The following BUD31 variants were observed in gnomAD, a reference collection of about 807,000 sequenced individuals.
The protein encoded by BUD31 is protein BUD31 homolog.
BUD31 carries 9 observed loss-of-function variants against 17.9 expected under a neutral mutation model. That is an observed-to-expected ratio of 0.50 (90% CI 0.30 to 0.88). BUD31 has a LOEUF of 0.88. Among genes scored for constraint, BUD31 ranks in the 40% least tolerant of loss-of-function variants. The pLI is 0.06. For synonymous variants in BUD31, 70 were observed against 64.7 expected, an observed-to-expected ratio of 1.08 and a Z score of -0.39; for missense variants, 148 against 184.5, an observed-to-expected ratio of 0.80 and a Z score of 1.15.
intron 5 of BUD31, 104 bp from the exon 6 acceptor site, chr7:99,419,287 T>C: frequency 1.4e-6 from 2 of 1,391,744 alleles, no homozygotes; most frequent in Non-Finnish European, 2.0e-6. Context: ...TGTGTCCCTA[T>C]ATGGCATGGT....
Position 99,419,573 on chromosome 7 carries a change from C to T in BUD31, c.*132C>T. ...GTCTCTATGGGGAAGGCTTCGCTGT[C>T]TATCAGCTGTGATTTGTAAAAATAA... On this transcript the variant is annotated 3_prime_UTR_variant, in exon 6 of 6. Coordinates refer to ENST00000222969, the MANE Select transcript of BUD31 (RefSeq NM_003910.4). 1 of 1,002,010 alleles carries T rather than the reference C, an allele frequency of 1.0e-6. No individual in the cohort carries two copies. Among genetic ancestry groups the T allele is most frequent in the Non-Finnish European group, 1.5e-6 (1 of 662,740 alleles). 62.1% of individuals were successfully genotyped at this position (1,002,010 alleles called of 1,614,324 possible).
chr7:99,415,513 G>A (rs1228425209), intron 3 of BUD31, among the ~76,000 whole-genome samples: 2 of 152,100 alleles, frequency 1.3e-5, no homozygotes, highest in Non-Finnish European at 2.9e-5. Flanking sequence ...GGATAACTGC[G>A]GGCGGGCCTG....
intron 3 of BUD31, chr7:99,411,745 TCC>T (rs1795195162): frequency 6.6e-6 from 3 of 455,194 alleles, no homozygotes; most frequent in African/African-American, 2.0e-5. Context: ...TGCTCTGTCT[TCC>T]AGGCTGCAGT....
At chr7:99,412,251 G>A (rs1020490196) in intron 3 of BUD31, among the ~76,000 whole-genome samples, 3 of 152,160 alleles carry the variant, frequency 2.0e-5, no homozygotes, top group East Asian at 1.9e-4. Context: ...ATGTCTTCCC[G>A]AAACAGCTCT....
At chr7:99,417,978 G>GT in intron 5 of BUD31, 1 of 1,178,446 alleles carries the variant, frequency 8.5e-7, no homozygotes, top group Non-Finnish European at 1.1e-6. Flanking sequence ...TATCTTTCCC[G>GT]CCCCCCCAAG....
intron 4 of BUD31, chr7:99,417,148 C>T: frequency 2.8e-6 from 1 of 354,736 alleles, no homozygotes; most frequent in Non-Finnish European, 5.3e-6. Context: ...CCTCCGCCTC[C>T]TGGGTTCAAG....
At chr7:99,419,290 G>A in intron 5 of BUD31, 101 bp from the exon 6 acceptor site, 1 of 1,410,132 alleles carries the variant, frequency 7.1e-7, no homozygotes, top group Non-Finnish European at 9.9e-7. Context: ...GTCCCTATAT[G>A]GCATGGTGGC....
chr7:99,412,911 G>A (rs927165715), intron 3 of BUD31, among the ~76,000 whole-genome samples: 38 of 151,892 alleles, frequency 2.5e-4, no homozygotes, highest in African/African-American at 8.2e-4. Context: ...ATGAGCCACC[G>A]CGCCCGACCA....
intron 5 of BUD31, chr7:99,418,039 C>A: frequency 9.3e-7 from 1 of 1,080,460 alleles, no homozygotes; most frequent in Non-Finnish European, 1.1e-6. Context: ...GCCATCTTGG[C>A]TCACTGCAAC....
intron 3 of BUD31, 118 bp from the exon 4 acceptor site, chr7:99,416,020 C>A (rs538286062): frequency 7.0e-7 from 1 of 1,433,898 alleles, no homozygotes; most frequent in African/African-American, 1.4e-5. Context: ...GCTTGCCACC[C>A]ACAGCCATCC....
chr7:99,416,228 A>G lies in BUD31; in HGVS notation c.185A>G (p.Asp62Gly). 6.2e-7 allele frequency: 1 copy of G among 1,613,806 alleles called. No individual in the cohort carries two copies. The highest frequency in any genetic ancestry group is 1.1e-5 in the South Asian group (1 of 91,066). The change falls in exon 4 of 6, where the codon GAC (aspartate) becomes GGC (glycine). Residue 62 changes from aspartate (D) to glycine (G), a missense_variant. Physicochemically the swap from Asp to Gly is moderately conservative, Grantham distance 94. Transcript: ENST00000222969. ...CACCAGAAAACCCGCTACATCTTCG[A>G]CCTCTTTTACAAGCGGAAAGCCATC... ...IHHQKTRYIFDLFYKRKAISR... is the reference protein window; with the variant it reads ...IHHQKTRYIFGLFYKRKAISR...
intron 1 of BUD31, among the ~76,000 whole-genome samples, chr7:99,409,803 C>T (rs947475335): frequency 6.7e-6 from 1 of 149,954 alleles, no homozygotes; most frequent in African/African-American, 2.5e-5. Context: ...AGTGTCAGTA[C>T]AGAAGGGAGT....
intron 5 of BUD31, 193 bp downstream of exon 5, chr7:99,417,788 T>TA: frequency 6.5e-7 from 1 of 1,527,880 alleles, no homozygotes; most frequent in Non-Finnish European, 8.7e-7. Context: ...GTGTGTTTGT[T>TA]AGGTCTGGGG....
intron 5 of BUD31, chr7:99,417,817 T>C: frequency 2.0e-6 from 3 of 1,497,104 alleles, no homozygotes; most frequent in South Asian, 1.3e-5. Flanking sequence ...AACTCCACTT[T>C]TGGGCAAATT....
intron 3 of BUD31, chr7:99,415,100 G>C (rs1419635280): frequency 1.2e-5 from 5 of 416,694 alleles, no homozygotes; most frequent in African/African-American, 2.1e-5. Flanking sequence ...GGAGACGAGA[G>C]AGCGTAGAAA....
intron 3 of BUD31, among the ~76,000 whole-genome samples, chr7:99,413,074 G>A (rs961844232): frequency 6.6e-6 from 1 of 152,058 alleles, no homozygotes; most frequent in Non-Finnish European, 1.5e-5. Context: ...CATGGCAGAG[G>A]CCAAGGAGGA....
chr7:99,419,587 T>C lies in BUD31; in HGVS notation c.*146T>C. ...GGCTTCGCTGTCTATCAGCTGTGAT[T>C]TGTAAAAATAAAATCTTTAAATCTC... On this transcript the variant is annotated 3_prime_UTR_variant, in exon 6 of 6. Transcript: ENST00000222969. The C allele has an allele frequency of 1.1e-6, 1 of 937,714 alleles. No individual in the cohort carries two copies. The highest frequency in any genetic ancestry group is 1.6e-6 in the Non-Finnish European group (1 of 622,428). The allele number at this position is 937,714 out of a possible 1,614,324, so 58.1% of individuals were successfully genotyped here. A position where few individuals can be genotyped will look rare whatever the true frequency, so the allele number is the denominator to read the frequency against.
At chr7:99,415,835 C>T (rs1016978488) in intron 3 of BUD31, among the ~76,000 whole-genome samples, 5 of 151,830 alleles carry the variant, frequency 3.3e-5, no homozygotes, top group African/African-American at 1.2e-4. Context: ...TTATGATTGT[C>T]GAGTGAGGAT....
In BUD31 at chr7:99,416,412, G is replaced by T. The variant is rs545758932; in HGVS notation, c.217+152G>T. 1.3e-4 allele frequency: 129 copies of T among 986,578 alleles called. No individual in the cohort carries two copies. In the Middle Eastern group the frequency reaches 1.8e-3, roughly 14 times the overall value. 61.1% of individuals were successfully genotyped at this position (986,578 alleles called of 1,614,324 possible). ...CCAACGTTGGCTGAGTTTTGTGTGTGTGTTTGTTTTTTGTTTGTTTGTTTT... is the reference window on the plus strand; with the variant it reads ...CCAACGTTGGCTGAGTTTTGTGTGTTTGTTTGTTTTTTGTTTGTTTGTTTT... On this transcript the variant is annotated intron_variant, in intron 4 of 5. Coordinates refer to ENST00000222969, the MANE Select transcript of BUD31 (RefSeq NM_003910.4).
Sources: gnomAD v4.1 joint callset for allele counts (sites outside exome capture counted in the v4.1 genomes callset) on GRCh38, gnomAD v4.1.1 for gene constraint, MANE v1.5 for transcripts, NCBI Gene and HGNC (gene_info 2026-07-23, HGNC 2026-07-21) for gene names.